AADACL4: variants seen among roughly 807,000 people sequenced by gnomAD.
AADACL4 encodes the protein arylacetamide deacetylase-like 4.
In AADACL4, 9 loss-of-function variants were observed where a neutral mutation model predicts 14.1. That is an observed-to-expected ratio of 0.64 (90% confidence interval 0.39 to 1.12). The LOEUF (loss-of-function observed/expected upper bound fraction) is 1.12, where lower values mean the gene tolerates loss of function less well. Among genes scored for constraint, AADACL4 ranks in the 50% most tolerant of loss-of-function variants. The pLI is 0.01. For missense variants in AADACL4, 531 were observed against 516.1 expected (o/e 1.03, Z -0.28); for synonymous variants, 188 against 201.6 (o/e 0.93, Z 0.57).
At chr1:12,645,837 C>T (rs1647108144) in intron 1 of AADACL4, among the ~76,000 whole-genome samples, 1 of 152,218 alleles carries the variant, frequency 6.6e-6, no homozygotes, top group African/African-American at 2.4e-5. Context: ...AGCCACTGCA[C>T]CTAGCTTCAC....
In AADACL4 at chr1:12,651,132, T is replaced by G. The variant is rs745918050; in HGVS notation, c.178T>G (p.Phe60Val). ...TTGTTACCTCCAACAGGGGAATATA[T>G]TTGAGAAGCTGGGAATTTGCTCCAT... ...FLYLVTLGNI[F>V]EKLGICSMPK... The change falls in exon 2 of 4, where the codon TTT (phenylalanine) becomes GTT (valine). Residue 60 changes from phenylalanine (F) to valine (V), a missense_variant. Physicochemically the swap from Phe to Val is conservative, Grantham distance 50. Coordinates refer to ENST00000376221, the MANE Select transcript of AADACL4 (RefSeq NM_001013630.2). 6.2e-7 allele frequency: 1 copy of G among 1,614,162 alleles called. No homozygotes were observed. Among genetic ancestry groups the G allele is most frequent in the Non-Finnish European group, 8.5e-7 (1 of 1,179,986 alleles).
chr1:12,655,971 G>T (rs963016469), intron 2 of AADACL4, among the ~76,000 whole-genome samples: 4 of 152,054 alleles, frequency 2.6e-5, no homozygotes, highest in African/African-American at 7.2e-5. Context: ...AAAATTTAGG[G>T]TTTCATTCTC....
chr1:12,664,658 TTGA>T (rs1187720690), intron 3 of AADACL4, among the ~76,000 whole-genome samples: 3 of 152,160 alleles, frequency 2.0e-5, no homozygotes, highest in African/African-American at 7.2e-5. Context: ...CCGCCCGGCC[TTGA>T]TGTTTTCAAT....
At chr1:12,650,595 C>T (rs138164897) in intron 1 of AADACL4, among the ~76,000 whole-genome samples, 2,617 of 150,754 alleles carry the variant, frequency 0.017, 75 homozygotes, top group African/African-American at 0.057. Context: ...TGCAGTGGTG[C>T]GATCTCAGTT....
At chr1:12,654,962 C>G (rs924486541) in intron 2 of AADACL4, among the ~76,000 whole-genome samples, 4 of 152,088 alleles carry the variant, frequency 2.6e-5, no homozygotes, top group African/African-American at 9.7e-5. Flanking sequence ...AGGGCTGTGG[C>G]CACTGACTCT....
rs543973930 is a variant in AADACL4 at position 12,651,225 on chromosome 1, G to A, written c.271G>A (p.Asp91Asn). 18 of 1,614,210 alleles carry A rather than the reference G, an allele frequency of 1.1e-5. No individual in the cohort carries two copies. Among genetic ancestry groups the A allele is most frequent in the African/African-American group, 2.7e-5 (2 of 75,042 alleles). Residue 91 changes from aspartate to asparagine, a missense_variant, in exon 2 of 4, where the codon GAC (aspartate) becomes AAC (asparagine). Transcript: ENST00000376221. ...IKKDPELVVTDLRFGTIPVRL... is the reference protein window; with the variant it reads ...IKKDPELVVTNLRFGTIPVRL... ...AAAGGACCCTGAACTTGTGGTGACC[G>A]ACCTGCGTTTTGGGACGATACCCGT...
chr1:12,657,899 G>C (rs1222696366), intron 2 of AADACL4, among the ~76,000 whole-genome samples: 3 of 152,100 alleles, frequency 2.0e-5, no homozygotes, highest in Admixed American at 1.3e-4. Flanking sequence ...TGGCTTTTCA[G>C]GGTTTTATCA....
chr1:12,647,676 A>G lies in AADACL4; in HGVS notation c.168+2962A>G, dbSNP rs531602882. Among the ~76,000 whole-genome samples the G allele has an allele frequency of 8.1e-5, 12 of 147,974 alleles. No homozygotes were observed. In the South Asian group the frequency reaches 2.3e-3, roughly 29 times the overall value. ...CTTTCTTTCTTTTTTTTTTTTTGAG[A>G]CAGTCTCAGTCTCTTACCATGTAGG... On this transcript the variant is annotated intron_variant, in intron 1 of 3. Coordinates refer to ENST00000376221, the MANE Select transcript of AADACL4 (RefSeq NM_001013630.2).
Position 12,658,102 on chromosome 1 carries a change from T to TTCCTTC in AADACL4, c.386-3689_386-3688insTCCTTC, listed in dbSNP as rs1647194920. Among the ~76,000 whole-genome samples the TTCCTTC allele has an allele frequency of 1.3e-3, 133 of 105,190 alleles. 2 individuals carry two copies. Among genetic ancestry groups the TTCCTTC allele is most frequent in the Middle Eastern group, 4.7e-3 (1 of 214 alleles). The allele number at this position is 105,190 out of a possible 152,430, so 69.0% of individuals were successfully genotyped here. ...CTTTCTTTCTTTCTCTTTCTTTCTC[T>TTCCTTC]CTTTCTTTCCTTCCTTCCTTCCTTC... On this transcript the variant is annotated intron_variant, in intron 2 of 3. Coordinates refer to ENST00000376221, the MANE Select transcript of AADACL4 (RefSeq NM_001013630.2).
intron 2 of AADACL4, among the ~76,000 whole-genome samples, chr1:12,660,545 C>G (rs1157572452): frequency 6.6e-6 from 1 of 152,148 alleles, no homozygotes; most frequent in Non-Finnish European, 1.5e-5. Context: ...GGGTGTCTAG[C>G]AGAGGTCTTT....
chr1:12,650,546 T>C (rs1217041641), intron 1 of AADACL4, among the ~76,000 whole-genome samples: 1 of 151,622 alleles, frequency 6.6e-6, no homozygotes, highest in Admixed American at 6.6e-5. Flanking sequence ...TTTTTTTTTT[T>C]TCCCCGAGAT....
At chr1:12,645,006 C>T (rs954768262) in intron 1 of AADACL4, among the ~76,000 whole-genome samples, 9 of 144,780 alleles carry the variant, frequency 6.2e-5, no homozygotes, top group Non-Finnish European at 9.1e-5. Flanking sequence ...CTTCCCTCTC[C>T]TTCCTCCTTC....
intron 2 of AADACL4, among the ~76,000 whole-genome samples, chr1:12,652,664 G>T (rs181574066): frequency 6.6e-5 from 10 of 152,338 alleles, no homozygotes; most frequent in African/African-American, 2.4e-4. Context: ...TTAACCAAGG[G>T]GTGGACTATT....
intron 2 of AADACL4, among the ~76,000 whole-genome samples, chr1:12,661,263 G>T (rs1352212209): frequency 6.6e-6 from 1 of 152,166 alleles, no homozygotes; most frequent in South Asian, 2.1e-4. Flanking sequence ...GTACCTCTAT[G>T]TATGGCTGAA....
chr1:12,655,617 G>A (rs1032334584), intron 2 of AADACL4, among the ~76,000 whole-genome samples: 3 of 151,930 alleles, frequency 2.0e-5, no homozygotes, highest in East Asian at 1.9e-4. Context: ...TTTCACCAAC[G>A]ACTGAAGCCT....
rs780456692 is a variant in AADACL4 at position 12,666,094 on chromosome 1, G to A, written c.583G>A (p.Gly195Arg). 1.1e-5 allele frequency: 18 copies of A among 1,614,108 alleles called. No homozygotes were observed. The highest frequency in any genetic ancestry group is 3.3e-5 in the South Asian group (3 of 91,082). ...GGTTGTGGTCTGTGGAGAAAGCGTCGGAGGTGCAGCGGTGGCCGCCATCAC... is the reference window on the plus strand; with the variant it reads ...GGTTGTGGTCTGTGGAGAAAGCGTCAGAGGTGCAGCGGTGGCCGCCATCAC... ...SRVVVCGESV[G>R]GAAVAAITQA... Residue 195 changes from glycine (G) to arginine (R), a missense_variant, in exon 4 of 4, where the codon GGA becomes AGA. Coordinates refer to ENST00000376221, the MANE Select transcript of AADACL4 (RefSeq NM_001013630.2).
chr1:12,664,220 C>T (rs1461582574), intron 3 of AADACL4, among the ~76,000 whole-genome samples: 1 of 152,056 alleles, frequency 6.6e-6, no homozygotes, highest in African/African-American at 2.4e-5. Context: ...TAATTTTTTT[C>T]TTCGAAATGA....
intron 2 of AADACL4, among the ~76,000 whole-genome samples, chr1:12,660,858 G>T (rs1647221395): frequency 6.6e-6 from 1 of 152,052 alleles, no homozygotes; most frequent in Admixed American, 6.6e-5. Flanking sequence ...TGGCCAGGTT[G>T]GTCTCAAACT....
intron 2 of AADACL4, among the ~76,000 whole-genome samples, chr1:12,659,062 TATGGACCGACGC>T (rs1379630952): frequency 6.6e-6 from 1 of 152,156 alleles, no homozygotes; most frequent in Non-Finnish European, 1.5e-5. Flanking sequence ...GATATGGATG[TATGGACCGACGC>T]ATGGACACAT....
Sources: gnomAD v4.1 joint callset for allele counts (sites outside exome capture counted in the v4.1 genomes callset) on GRCh38, gnomAD v4.1.1 for gene constraint, MANE v1.5 for transcripts, NCBI Gene and HGNC (gene_info 2026-07-23, HGNC 2026-07-21) for gene names.